NEDD9: variants seen among roughly 807,000 people sequenced by gnomAD.
NEDD9 encodes neural precursor cell expressed, developmentally down-regulated 9.
In NEDD9, 26 loss-of-function variants were observed where a neutral mutation model predicts 76.6. That is an observed-to-expected ratio of 0.34 (90% confidence interval 0.25 to 0.47). NEDD9 has a LOEUF of 0.47. Among genes scored for constraint, NEDD9 ranks in the 20% least tolerant of loss-of-function variants. The probability of loss-of-function intolerance (pLI) is 1.00; values close to 1 mark genes in which losing one functional copy is unlikely to be tolerated. For synonymous variants in NEDD9, 392 were observed against 414.2 expected (o/e 0.95, Z 0.65); for missense variants, 937 against 1,058.5 (o/e 0.89, Z 1.59).
intron 3 of NEDD9, among the ~76,000 whole-genome samples, chr6:11,299,848 C>A (rs1760995765): frequency 6.6e-6 from 1 of 152,208 alleles, no homozygotes; most frequent in Non-Finnish European, 1.5e-5. Flanking sequence ...GAAACTCCAT[C>A]TGTAGGTCAC....
chr6:11,354,637 C>G (rs1255284473), intron 1 of NEDD9, among the ~76,000 whole-genome samples: 1 of 152,194 alleles, frequency 6.6e-6, no homozygotes, highest in African/African-American at 2.4e-5. Context: ...TACCCAGCAT[C>G]TGTTCCTCCT....
chr6:11,305,200 G>A, intron 3 of NEDD9: 1 of 1,190,706 alleles, frequency 8.4e-7, no homozygotes, highest in Non-Finnish European at 1.1e-6. Flanking sequence ...AATAGATAAG[G>A]GAATTTACCT....
chr6:11,261,158 G>A (rs934656461), intron 3 of NEDD9, among the ~76,000 whole-genome samples: 5 of 152,154 alleles, frequency 3.3e-5, no homozygotes, highest in African/African-American at 1.2e-4. Context: ...GAGCCGTGAT[G>A]ATTGGTAATA....
At chr6:11,332,514 C>T (rs1402725174) in intron 2 of NEDD9, among the ~76,000 whole-genome samples, 1 of 152,238 alleles carries the variant, frequency 6.6e-6, no homozygotes, top group East Asian at 1.9e-4. Flanking sequence ...CTTGTAACAC[C>T]ACAGCCTTGC....
chr6:11,335,040 G>T (rs757108925), intron 1 of NEDD9, among the ~76,000 whole-genome samples: 1 of 152,128 alleles, frequency 6.6e-6, no homozygotes, highest in Non-Finnish European at 1.5e-5. Context: ...ACTTAACATC[G>T]ACTGTTCTAC....
intron 1 of NEDD9, among the ~76,000 whole-genome samples, chr6:11,230,808 C>T (rs1225571939): frequency 2.0e-5 from 3 of 152,190 alleles, no homozygotes; most frequent in East Asian, 1.9e-4. Flanking sequence ...GAATGCCAAT[C>T]GCAGTTTACG....
intron 3 of NEDD9, among the ~76,000 whole-genome samples, chr6:11,279,388 C>T (rs141647728): frequency 1.8e-3 from 275 of 152,298 alleles, no homozygotes; most frequent in Admixed American, 3.5e-3. Context: ...CACTAGAGCT[C>T]CCCAGGCCAT....
At chr6:11,193,141 C>CA (rs1758202551) in intron 3 of NEDD9, among the ~76,000 whole-genome samples, 1 of 150,328 alleles carries the variant, frequency 6.7e-6, no homozygotes, top group Non-Finnish European at 1.5e-5. Flanking sequence ...CCTGTCCCTA[C>CA]AAAATACAAA....
Position 11,226,291 on chromosome 6 carries a change from C to T in NEDD9, c.12+6213G>A, listed in dbSNP as rs1161175288. Among the ~76,000 whole-genome samples the T allele has an allele frequency of 3.3e-5, 5 of 152,018 alleles. No individual in the cohort carries two copies. In the East Asian group the frequency reaches 7.7e-4, roughly 23 times the overall value. On this transcript the variant is annotated intron_variant, in intron 1 of 6. Transcript: ENST00000379446. The stretch of plus-strand genomic sequence containing the variant: ...TGTGTGTGTGTCCCCTTTTCATGCC[C>T]GTACTCTTTGCAACCATCTATCACC...
intron 3 of NEDD9, among the ~76,000 whole-genome samples, chr6:11,245,517 A>G (rs1759789691): frequency 6.6e-6 from 1 of 152,198 alleles, no homozygotes. Flanking sequence ...TAATTGCCCA[A>G]TATAATGCTA....
intron 1 of NEDD9, among the ~76,000 whole-genome samples, chr6:11,355,807 G>A (rs953392590): frequency 5.9e-5 from 9 of 151,978 alleles, no homozygotes; most frequent in Admixed American, 2.6e-4. Flanking sequence ...TGCAAGCTCC[G>A]CCTCCTGTGT....
chr6:11,233,568 C>T (rs72827152), upstream of NEDD9: 17,985 of 515,200 alleles, frequency 0.035, 493 homozygotes, highest in South Asian at 0.069. Flanking sequence ...CCCATTAACC[C>T]ACCAACACTT....
intron 3 of NEDD9, chr6:11,258,501 T>A (rs1432068622): frequency 1.3e-5 from 2 of 152,246 alleles, no homozygotes; most frequent in Non-Finnish European, 2.9e-5. Context: ...CACTCAGCTA[T>A]TGGTCTGAAG....
At chr6:11,185,912 G>A (rs1204678581) in intron 6 of NEDD9, among the ~76,000 whole-genome samples, 1 of 152,180 alleles carries the variant, frequency 6.6e-6, no homozygotes, top group Non-Finnish European at 1.5e-5. Flanking sequence ...GTACCCTCTG[G>A]CTAGAAGGTA....
rs1757905480 is a variant in NEDD9, at chr6:11,183,562, A to C, written c.*1600T>G. On this transcript the variant is annotated 3_prime_UTR_variant, in exon 7 of 7. Coordinates refer to ENST00000379446, the MANE Select transcript of NEDD9 (RefSeq NM_006403.4). ...CCTTGTAATGTAATGTATGACTTTTAATCTTCTTTTGGCAGAGTAGGACTT... is the reference window on the plus strand; with the variant it reads ...CCTTGTAATGTAATGTATGACTTTTCATCTTCTTTTGGCAGAGTAGGACTT... The C allele has an allele frequency of 6.6e-6, 1 of 152,220 alleles. No individual in the cohort carries two copies. Among genetic ancestry groups the C allele is most frequent in the Non-Finnish European group, 1.5e-5 (1 of 68,032 alleles). 9.4% of individuals were successfully genotyped at this position (152,220 alleles called of 1,614,324 possible). A position where few individuals can be genotyped will look rare whatever the true frequency, so the allele number is the denominator to read the frequency against.
intron 1 of NEDD9, among the ~76,000 whole-genome samples, chr6:11,222,735 A>AAACTCTGCGCTTCTTAGTATTTTGTGG (rs1759184014): frequency 6.6e-6 from 1 of 152,252 alleles, no homozygotes; most frequent in African/African-American, 2.4e-5. Flanking sequence ...GACTTGAATG[A>AAACTCTGCGCTTCTTAGTATTTTGTGG]AACTCTGCGC....
chr6:11,380,065 C>A (rs1229423710), intron 1 of NEDD9, among the ~76,000 whole-genome samples: 3 of 152,230 alleles, frequency 2.0e-5, no homozygotes, highest in Admixed American at 6.5e-5. Flanking sequence ...GTGCCTGTGC[C>A]CTTTCTCCAA....
chr6:11,187,692 G>A (rs17561071), intron 6 of NEDD9, among the ~76,000 whole-genome samples: 26,700 of 152,150 alleles, frequency 0.18, 2,466 homozygotes, highest in Middle Eastern at 0.2. Flanking sequence ...AGTTCTGAGT[G>A]GCCATTTATG....
At chr6:11,368,252 G>T (rs1762803155) in intron 1 of NEDD9, among the ~76,000 whole-genome samples, 1 of 152,126 alleles carries the variant, frequency 6.6e-6, no homozygotes, top group South Asian at 2.1e-4. Context: ...AAACAATGAA[G>T]ATTTGCTTAA....
Sources: gnomAD v4.1 joint callset for allele counts (sites outside exome capture counted in the v4.1 genomes callset) on GRCh38, gnomAD v4.1.1 for gene constraint, MANE v1.5 for transcripts, NCBI Gene and HGNC (gene_info 2026-07-23, HGNC 2026-07-21) for gene names.